Variants in KRAS observed in about 807,000 individuals in gnomAD.
The protein encoded by KRAS is GTPase KRas.
A neutral mutation model predicts 21.0 loss-of-function variants in KRAS; 1 was observed. The ratio of observed to expected loss-of-function variants is 0.05; its 90% CI spans 0.02 to 0.23. The LOEUF is 0.23. Ranked by LOEUF, KRAS falls within the 10% of genes least tolerant of loss-of-function variation. KRAS has a pLI of 1.00. For synonymous variants in KRAS, 67 were observed against 72.5 expected (o/e 0.92, Z 0.39); for missense variants, 107 against 221.8 (o/e 0.48, Z 3.29).
At chr12:25,237,994 T>C (rs1951564243) in intron 2 of KRAS, among the ~76,000 whole-genome samples, 1 of 152,178 alleles carries the variant, frequency 6.6e-6, no homozygotes, top group Non-Finnish European at 1.5e-5. Flanking sequence ...AACTGAAGGC[T>C]ATGAAGGATT....
chr12:25,237,477 T>C (rs1951558484), intron 2 of KRAS, among the ~76,000 whole-genome samples: 1 of 151,940 alleles, frequency 6.6e-6, no homozygotes, highest in Admixed American at 6.6e-5. Context: ...ATTGGGCATG[T>C]TGAATTCCCT....
intron 2 of KRAS, among the ~76,000 whole-genome samples, chr12:25,228,530 A>G (rs187334716): frequency 5.9e-5 from 9 of 152,268 alleles, no homozygotes; most frequent in Admixed American, 4.6e-4. Flanking sequence ...AATACCACAT[A>G]ATTCCACTTA....
At chr12:25,245,194 A>G in intron 2 of KRAS, 80 bp downstream of exon 2, 1 of 1,422,418 alleles carries the variant, frequency 7.0e-7, no homozygotes, top group Non-Finnish European at 9.7e-7. Flanking sequence ...ATAAGTACTC[A>G]TGAAAATGGT....
chr12:25,245,511 A>G, intron 1 of KRAS, 116 bp from the exon 2 acceptor site: 1 of 1,071,046 alleles, frequency 9.3e-7, no homozygotes, highest in Non-Finnish European at 1.4e-6. Flanking sequence ...TATATGAAAA[A>G]TTATTTCAAA....
Position 25,209,241 on chromosome 12 carries a change from G to C in KRAS, c.*554C>G. On this transcript the variant is annotated 3_prime_UTR_variant, in exon 5 of 5. Coordinates refer to ENST00000311936, the MANE Select transcript of KRAS (RefSeq NM_004985.5). ...AGAGTGACCATGACTAATAGCAGTG[G>C]AAAGGAGACAAAACCTTTGTGAACA... The C allele has an allele frequency of 1.5e-6, 1 of 683,736 alleles. No individual in the cohort carries two copies. Among genetic ancestry groups the C allele is most frequent in the Non-Finnish European group, 2.7e-6 (1 of 375,506 alleles). The allele number at this position is 683,736 out of a possible 1,614,324, so 42.4% of individuals were successfully genotyped here. A position where few individuals can be genotyped will look rare whatever the true frequency, so the allele number is the denominator to read the frequency against.
intron 2 of KRAS, among the ~76,000 whole-genome samples, chr12:25,244,844 G>A (rs191933724): frequency 1.2e-4 from 18 of 151,892 alleles, no homozygotes; most frequent in Non-Finnish European, 2.2e-4. Flanking sequence ...GAAGAAGATA[G>A]GAAAATACTG....
chr12:25,235,999 C>A (rs142726672), intron 2 of KRAS, among the ~76,000 whole-genome samples: 2 of 152,252 alleles, frequency 1.3e-5, no homozygotes, highest in East Asian at 1.9e-4. Flanking sequence ...GGAGCTAAGG[C>A]AAGTAATGCT....
chr12:25,215,471 A>T lies in KRAS; in HGVS notation c.451-5560T>A, dbSNP rs373169526. Reference sequence around the variant, plus strand: ...TTATAATGCATTTTTTAATTTTCACACAGCCAGGAGTCTTTTCTTCTTTGC... The same window carrying T: ...TTATAATGCATTTTTTAATTTTCACTCAGCCAGGAGTCTTTTCTTCTTTGC... On this transcript the variant is annotated intron_variant, in intron 4 of 4. Transcript: ENST00000311936. 336 of 1,611,872 alleles carry T rather than the reference A, an allele frequency of 2.1e-4. No homozygotes were observed. Among genetic ancestry groups the T allele is most frequent in the Non-Finnish European group, 2.7e-4 (316 of 1,178,272 alleles).
intron 2 of KRAS, among the ~76,000 whole-genome samples, chr12:25,230,777 C>T (rs940821438): frequency 3.5e-5 from 5 of 142,806 alleles, no homozygotes; most frequent in African/African-American, 1.2e-4. Context: ...ATGGTATTTT[C>T]CAAACCATCT....
intron 2 of KRAS, 116 bp downstream of exon 2, chr12:25,245,158 T>C (rs949660695): frequency 1.7e-6 from 2 of 1,143,568 alleles, no homozygotes; most frequent in Non-Finnish European, 2.5e-6. Context: ...TTCAGATAAC[T>C]TAACTTTCAG....
chr12:25,239,661 T>C (rs1369984442), intron 2 of KRAS, among the ~76,000 whole-genome samples: 1 of 152,202 alleles, frequency 6.6e-6, no homozygotes, highest in Non-Finnish European at 1.5e-5. Flanking sequence ...CTTGATTTCT[T>C]AGTAACATGC....
At chr12:25,225,857 T>G in intron 3 of KRAS, 84 bp from the exon 4 acceptor site, 1 of 1,368,344 alleles carries the variant, frequency 7.3e-7, no homozygotes, top group East Asian at 2.3e-5. Context: ...GTCATAAAAT[T>G]TGGCTGAAAG....
intron 2 of KRAS, among the ~76,000 whole-genome samples, chr12:25,228,152 T>C (rs1419687432): frequency 6.6e-6 from 1 of 151,388 alleles, no homozygotes; most frequent in Non-Finnish European, 1.5e-5. Context: ...CTGGAGCATT[T>C]GATTTTGGAT....
intron 4 of KRAS, among the ~76,000 whole-genome samples, chr12:25,216,338 G>C (rs774993461): frequency 2.0e-5 from 3 of 152,102 alleles, no homozygotes; most frequent in Non-Finnish European, 4.4e-5. Flanking sequence ...GGAGTGCAAT[G>C]GCACGATCAT....
intron 2 of KRAS, among the ~76,000 whole-genome samples, chr12:25,238,820 T>C (rs1951574430): frequency 6.6e-6 from 1 of 152,242 alleles, no homozygotes; most frequent in Non-Finnish European, 1.5e-5. Context: ...GACATGAAGA[T>C]GATTTCCATT....
At chr12:25,212,883 T>G (rs914557991) in intron 4 of KRAS, among the ~76,000 whole-genome samples, 5 of 152,116 alleles carry the variant, frequency 3.3e-5, no homozygotes, top group African/African-American at 1.2e-4. Flanking sequence ...CCACTGTCCC[T>G]GTGCCAAAAT....
At chr12:25,216,217 AC>A (rs1285222035) in intron 4 of KRAS, among the ~76,000 whole-genome samples, 1 of 152,212 alleles carries the variant, frequency 6.6e-6, no homozygotes, top group Non-Finnish European at 1.5e-5. Context: ...TAATATAAAA[AC>A]ATCATGAATT....
intron 4 of KRAS, among the ~76,000 whole-genome samples, chr12:25,214,869 G>A (rs1951236626): frequency 6.6e-6 from 1 of 152,096 alleles, no homozygotes; most frequent in Non-Finnish European, 1.5e-5. Context: ...AAACCAGGGG[G>A]AAAAGAGGGC....
At chr12:25,236,980 G>C (rs1469655681) in intron 2 of KRAS, among the ~76,000 whole-genome samples, 3 of 152,074 alleles carry the variant, frequency 2.0e-5, no homozygotes, top group East Asian at 1.9e-4. Flanking sequence ...TTGCCAAAAA[G>C]AGGAAATCAC....
Sources: gnomAD v4.1 joint callset for allele counts (sites outside exome capture counted in the v4.1 genomes callset) on GRCh38, gnomAD v4.1.1 for gene constraint, MANE v1.5 for transcripts, NCBI Gene and HGNC (gene_info 2026-07-23, HGNC 2026-07-21) for gene names.